The following NPAS4 variants were observed in gnomAD, a reference collection of about 807,000 sequenced individuals.
NPAS4 encodes neuronal PAS domain protein 4, also known as neuronal PAS domain-containing protein 4.
NPAS4 carries 10 observed loss-of-function variants against 64.0 expected under a neutral mutation model. That is an observed-to-expected ratio of 0.16 (90% confidence interval 0.10 to 0.26). The LOEUF (loss-of-function observed/expected upper bound fraction) is 0.26. NPAS4 is among the 10% of genes least tolerant of loss of function. The pLI is 1.00. For missense variants in NPAS4, 886 were observed against 992.6 expected, an observed-to-expected ratio of 0.89 and a Z score of 1.44; for synonymous variants, 441 against 411.7, an observed-to-expected ratio of 1.07 and a Z score of -0.86.
chr11:66,411,040 C>T, the NPAS4 span: 1 of 152,488 alleles, frequency 6.6e-6, no homozygotes, highest in East Asian at 1.9e-4. Context: ...GTGGAAGAAG[C>T]AAAACTACAG....
Position 66,422,821 on chromosome 11 carries a change from C to T in NPAS4, c.578C>T (p.Ala193Val). 6.2e-7 allele frequency: 1 copy of T among 1,614,102 alleles called. No homozygotes were observed. The highest frequency in any genetic ancestry group is 1.1e-5 in the South Asian group (1 of 91,088). Residue 193 changes from alanine (A) to valine (V), a missense_variant, in exon 4 of 8, where the codon GCC (alanine) becomes GTC (valine). Physicochemically the swap from Ala to Val is moderately conservative, Grantham distance 64 (BLOSUM62 0). Around this residue, in one of 3 missense-constraint regions of NPAS4, gnomAD observed 820 missense variants for 855.5 expected, o/e 0.96. Transcript: ENST00000311034. Reference sequence around the variant, plus strand: ...AATCCCGTGTTCACAGCTTTCTGTGCCCCTCTGGAGCCGAGACCCCGCCCA... The same window carrying T: ...AATCCCGTGTTCACAGCTTTCTGTGTCCCTCTGGAGCCGAGACCCCGCCCA... ...AGNPVFTAFC[A>V]PLEPRPRPGP...
At position 66,424,185 on chromosome 11, in the gene NPAS4, G is replaced by A. The variant is rs752723287; in HGVS notation, c.1295G>A (p.Gly432Glu). Reference protein sequence around the residue: ...CTPPYTPHQPGGCAFLFSLHE... With the variant: ...CTPPYTPHQPEGCAFLFSLHE... Reference sequence around the variant, plus strand: ...CCACCTTACACGCCCCATCAGCCAGGAGGCTGTGCCTTCCTCTTCAGCCTC... The same window carrying A: ...CCACCTTACACGCCCCATCAGCCAGAAGGCTGTGCCTTCCTCTTCAGCCTC... Residue 432 changes from glycine (G) to glutamate (E), a missense_variant, in exon 7 of 8, where the codon GGA becomes GAA. By Grantham distance (98) the Gly-to-Glu change is moderately conservative. Coordinates refer to ENST00000311034, the MANE Select transcript of NPAS4 (RefSeq NM_178864.4). 6 of 1,613,872 alleles carry A rather than the reference G, an allele frequency of 3.7e-6. No homozygotes were observed. In the Admixed American group the frequency reaches 5.0e-5, roughly 13 times the overall value.
the NPAS4 span, among the ~76,000 whole-genome samples, chr11:66,412,948 T>G: frequency 1.3e-5 from 2 of 152,246 alleles, no homozygotes; most frequent in Non-Finnish European, 2.9e-5. Context: ...TCCTCTTCTC[T>G]GAGGAACATC....
intron 3 of NPAS4, 32 bp from the exon 4 acceptor site, chr11:66,422,642 C>G: frequency 6.2e-7 from 1 of 1,611,984 alleles, no homozygotes; most frequent in Non-Finnish European, 8.5e-7. Context: ...AGCCACTCAC[C>G]CTCTTATCTG....
chr11:66,422,839 C>T lies in NPAS4; in HGVS notation c.596C>T (p.Pro199Leu), dbSNP rs369027011. Residue 199 changes from proline to leucine, a missense_variant, in exon 4 of 8, where the codon CCC (proline) becomes CTC (leucine). Around this residue, in one of 3 missense-constraint regions of NPAS4, gnomAD observed 820 missense variants for 855.5 expected, o/e 0.96. Transcript: ENST00000311034. ...TTCTGTGCCCCTCTGGAGCCGAGAC[C>T]CCGCCCAGGTCCTGGCCCTGGCCCT... Reference protein sequence around the residue: ...TAFCAPLEPRPRPGPGPGPGP... With the variant: ...TAFCAPLEPRLRPGPGPGPGP... The T allele has an allele frequency of 1.1e-5, 17 of 1,613,848 alleles. No individual in the cohort carries two copies. The highest frequency in any genetic ancestry group is 1.4e-5 in the Non-Finnish European group (16 of 1,180,050).
Position 66,425,185 on chromosome 11 carries a change from G to C in NPAS4, c.2295G>C (p.Glu765Asp). 1 of 1,584,592 alleles carries C rather than the reference G, an allele frequency of 6.3e-7. No individual in the cohort carries two copies. The highest frequency in any genetic ancestry group is 8.5e-7 in the Non-Finnish European group (1 of 1,169,654). ...TGGCCACATATGAAACCGCCTTTGA[G>C]ACAGGTGTCTCAGCATTCCCCTATG... is the stretch of plus-strand genomic sequence containing the variant. ...EDLATYETAF[E>D]TGVSAFPYDG... is the part of the protein sequence containing the mutation. Residue 765 changes from glutamate to aspartate, a missense_variant, in exon 7 of 8, where the codon GAG becomes GAC. Glu to Asp is a conservative substitution (Grantham distance 45, BLOSUM62 2). This residue lies in a region of NPAS4 where 28 missense variants were observed against 57.0 expected (regional missense o/e 0.49). Transcript: ENST00000311034.
Position 66,426,157 on chromosome 11 carries a change from AG to A in NPAS4, c.*172del. On this transcript the variant is annotated 3_prime_UTR_variant, in exon 8 of 8. Transcript: ENST00000311034. ...GGGGGGGGAGGTGGGAGGGCAAGGG[AG>A]GGGAGCTTCTTTTTAAAATCAAGAG... is the stretch of plus-strand genomic sequence containing the variant. 1 of 555,070 alleles carries A rather than the reference AG, an allele frequency of 1.8e-6. No individual in the cohort carries two copies. The highest frequency in any genetic ancestry group is 3.3e-6 in the Non-Finnish European group (1 of 306,008). 34.4% of individuals were successfully genotyped at this position (555,070 alleles called of 1,614,324 possible).
chr11:66,426,188 C>T lies in NPAS4; in HGVS notation c.*199C>T, dbSNP rs942849078. On this transcript the variant is annotated 3_prime_UTR_variant, in exon 8 of 8. Transcript: ENST00000311034. ...GCTTCTTTTTAAAATCAAGAGACTT[C>T]GAGCGATCCCAGTTTCCATTTCAAT... 5 of 564,342 alleles carry T rather than the reference C, an allele frequency of 8.9e-6. No homozygotes were observed. The highest frequency in any genetic ancestry group is 2.2e-5 in the South Asian group (1 of 45,746). The allele number at this position is 564,342 out of a possible 1,614,324, so 35.0% of individuals were successfully genotyped here.
the NPAS4 span, among the ~76,000 whole-genome samples, chr11:66,411,523 TC>T: frequency 6.6e-6 from 1 of 152,190 alleles, no homozygotes; most frequent in East Asian, 1.9e-4. Flanking sequence ...GACCTTGGAC[TC>T]CTTGGCAGAA....
At position 66,422,008 on chromosome 11, in the gene NPAS4, G is replaced by A. The variant is rs1376567526; in HGVS notation, c.176-112G>A. The A allele has an allele frequency of 6.4e-6, 6 of 938,906 alleles. No individual in the cohort carries two copies. The African/African-American group carries it at 6.5e-5, about 10-fold the overall frequency. The allele number at this position is 938,906 out of a possible 1,614,324, so 58.2% of individuals were successfully genotyped here. Reference sequence around the variant, plus strand: ...AGCGGGTCAACAGGTGTTTGCAGAGGCAGGTCCATGAGAAATTCCTCTGGA... The same window carrying A: ...AGCGGGTCAACAGGTGTTTGCAGAGACAGGTCCATGAGAAATTCCTCTGGA... On this transcript the variant is annotated intron_variant, in intron 1 of 7. Coordinates refer to ENST00000311034, the MANE Select transcript of NPAS4 (RefSeq NM_178864.4).
chr11:66,425,145 G>T lies in NPAS4; in HGVS notation c.2255G>T (p.Ser752Ile), dbSNP rs1197013369. 2 of 1,605,624 alleles carry T rather than the reference G, an allele frequency of 1.2e-6. No homozygotes were observed. The highest frequency in any genetic ancestry group is 1.3e-5 in the African/African-American group (1 of 74,338). Residue 752 changes from serine to isoleucine, a missense_variant, in exon 7 of 8, where the codon AGC becomes ATC. By Grantham distance (142) the Ser-to-Ile change is moderately radical (BLOSUM62 -2). This residue lies in a region of NPAS4 where 820 missense variants were observed against 855.5 expected (regional missense o/e 0.96). Transcript: ENST00000311034. The part of the protein sequence containing the change: ...PCNNLSPEDH[S>I]FLEDLATYET... ...AACAACCTGTCCCCAGAAGACCACA[G>T]CTTCCTGGAGGACCTGGCCACATAT...
At position 66,421,156 on chromosome 11, in the gene NPAS4, G is replaced by A; in HGVS notation, c.-24G>A. The A allele has an allele frequency of 6.4e-7, 1 of 1,574,210 alleles. No homozygotes were observed. Among genetic ancestry groups the A allele is most frequent in the Non-Finnish European group, 8.6e-7 (1 of 1,159,264 alleles). The stretch of plus-strand genomic sequence containing the variant: ...GGAGCGCAGGTGCTCGGGCACCCGA[G>A]CTGGAGCTCCGCAGCCGCCGGTCAT... On this transcript the variant is annotated 5_prime_UTR_variant, in exon 1 of 8. Coordinates refer to ENST00000311034, the MANE Select transcript of NPAS4 (RefSeq NM_178864.4).
Position 66,425,198 on chromosome 11 carries a change from G to A in NPAS4, c.2308G>A (p.Ala770Thr), listed in dbSNP as rs1484227477. 2.5e-6 allele frequency: 4 copies of A among 1,570,094 alleles called. No homozygotes were observed. The highest frequency in any genetic ancestry group is 8.6e-7 in the Non-Finnish European group (1 of 1,163,880). ...AACCGCCTTTGAGACAGGTGTCTCA[G>A]CATTCCCCTATGATGGGTTTACTGA... is the stretch of plus-strand genomic sequence containing the variant. Reference protein sequence around the residue: ...YETAFETGVSAFPYDGFTDEL... With the variant: ...YETAFETGVSTFPYDGFTDEL... The change falls in exon 7 of 8, where the codon GCA becomes ACA. Residue 770 changes from alanine (A) to threonine (T), a missense_variant. Ala to Thr is a moderately conservative substitution (Grantham distance 58). Coordinates refer to ENST00000311034, the MANE Select transcript of NPAS4 (RefSeq NM_178864.4).
At chr11:66,412,322 G>A in the NPAS4 span, among the ~76,000 whole-genome samples, 2 of 152,208 alleles carry the variant, frequency 1.3e-5, no homozygotes, top group African/African-American at 4.8e-5. Flanking sequence ...CGGGGAAGGA[G>A]CCTGCTGGGG....
intron 2 of NPAS4, 44 bp downstream of exon 2, chr11:66,422,315 G>T (rs757947483): frequency 6.2e-7 from 1 of 1,602,190 alleles, no homozygotes; most frequent in Admixed American, 1.7e-5. Context: ...GCATGGAGTG[G>T]GTGCCGTGAG....
rs1477558323 is a variant in NPAS4, at chr11:66,424,895, G to A, written c.2005G>A (p.Asp669Asn). ...LEPLGGLEPL[D>N]SNLSLSGAGP... ...GCCACTTGGAGGACTGGAGCCCCTG[G>A]ACTCCAACCTGTCCCTGTCAGGGGC... Residue 669 changes from aspartate (D) to asparagine (N), a missense_variant, in exon 7 of 8, where the codon GAC (aspartate) becomes AAC (asparagine). By Grantham distance (23) the Asp-to-Asn change is conservative. This residue lies in a region of NPAS4 where 820 missense variants were observed against 855.5 expected (regional missense o/e 0.96). Transcript: ENST00000311034. The A allele has an allele frequency of 1.3e-5, 21 of 1,613,440 alleles. No homozygotes were observed. Among genetic ancestry groups the A allele is most frequent in the Non-Finnish European group, 1.6e-5 (19 of 1,179,868 alleles).
In NPAS4 at chr11:66,424,703, G is replaced by A. The variant is rs1403121844; in HGVS notation, c.1813G>A (p.Val605Met). 1.9e-6 allele frequency: 3 copies of A among 1,612,914 alleles called. No homozygotes were observed. The South Asian group carries it at 3.3e-5, about 18-fold the overall frequency. The change falls in exon 7 of 8, where the codon GTG becomes ATG. Residue 605 changes from valine (V) to methionine (M), a missense_variant. Physicochemically the swap from Val to Met is conservative, Grantham distance 21. Transcript: ENST00000311034. ...CCCCCTCTCTGTGGATGTCCCCCTGGTGCCCGAAGGCCTGCTCACACCTGA... is the reference window on the plus strand; with the variant it reads ...CCCCCTCTCTGTGGATGTCCCCCTGATGCCCGAAGGCCTGCTCACACCTGA... Reference protein sequence around the residue: ...RGPLSVDVPLVPEGLLTPEAS... With the variant: ...RGPLSVDVPLMPEGLLTPEAS...
At chr11:66,421,451 G>C (rs1856740323) in intron 1 of NPAS4, 97 bp downstream of exon 1, 2 of 1,115,456 alleles carry the variant, frequency 1.8e-6, no homozygotes, top group Non-Finnish European at 2.6e-6. Flanking sequence ...CTAGGGCAGC[G>C]TGCTGGCGAG....
At chr11:66,421,460 A>T (rs1856740480) in intron 1 of NPAS4, 106 bp downstream of exon 1, 1 of 1,006,040 alleles carries the variant, frequency 9.9e-7, no homozygotes, top group South Asian at 1.5e-5. Flanking sequence ...CGTGCTGGCG[A>T]GCTGGGGAGA....
Sources: allele counts gnomAD v4.1 joint callset (sites outside exome capture counted in the v4.1 genomes callset), GRCh38; gene constraint gnomAD v4.1.1; regional missense constraint gnomAD v4.1.1; transcripts MANE v1.5; gene names NCBI Gene and HGNC (gene_info 2026-07-23, HGNC 2026-07-21).